The following ARAP2 variants were observed in gnomAD, a reference collection of about 807,000 sequenced individuals.
ARAP2 encodes the protein arf-GAP with Rho-GAP domain, ANK repeat and PH domain-containing protein 2.
A neutral mutation model predicts 194.5 loss-of-function variants in ARAP2; 148 were observed. The observed-to-expected ratio is 0.76, with a 90% CI of 0.67 to 0.87. ARAP2 has a LOEUF of 0.87. ARAP2 is among the 40% of genes least tolerant of loss of function. ARAP2 has a pLI of 0.00. For missense variants in ARAP2, 2,128 were observed against 1,989.7 expected (o/e 1.07, Z -1.32); for synonymous variants, 695 against 683.5 (o/e 1.02, Z -0.26).
At chr4:36,091,196 T>TA (rs1713542226) in intron 28 of ARAP2, among the ~76,000 whole-genome samples, 2 of 152,166 alleles carry the variant, frequency 1.3e-5, no homozygotes, top group South Asian at 4.1e-4. Context: ...GCAGAACTCA[T>TA]ACTATCTTAA....
At chr4:36,235,431 C>T (rs1044144110) in intron 1 of ARAP2, among the ~76,000 whole-genome samples, 1 of 152,214 alleles carries the variant, frequency 6.6e-6, no homozygotes, top group Non-Finnish European at 1.5e-5. Context: ...ATACGTATGT[C>T]TCCACAGCCA....
intron 3 of ARAP2, among the ~76,000 whole-genome samples, chr4:36,048,176 C>G (rs1400997027): frequency 6.6e-6 from 1 of 152,164 alleles, no homozygotes; most frequent in Non-Finnish European, 1.5e-5. Context: ...GATCAATTCA[C>G]TATAAATGCA....
chr4:36,223,373 C>A (rs1035405103), intron 2 of ARAP2, among the ~76,000 whole-genome samples: 1 of 151,972 alleles, frequency 6.6e-6, no homozygotes, highest in Non-Finnish European at 1.5e-5. Flanking sequence ...ATTTTTAAAA[C>A]CCTAAATCAG....
At chr4:36,011,707 T>G (rs1434360944) in intron 9 of ARAP2, among the ~76,000 whole-genome samples, 2 of 152,180 alleles carry the variant, frequency 1.3e-5, no homozygotes, top group Non-Finnish European at 1.5e-5. Context: ...GGCATTTATA[T>G]TATCATTATT....
At chr4:36,037,326 C>T (rs991099501) in intron 5 of ARAP2, among the ~76,000 whole-genome samples, 1 of 152,148 alleles carries the variant, frequency 6.6e-6, no homozygotes, top group Non-Finnish European at 1.5e-5. Flanking sequence ...CATTCCTCAA[C>T]TTTGCCTGCC....
intron 28 of ARAP2, among the ~76,000 whole-genome samples, chr4:36,091,166 G>A (rs1713532055): frequency 6.6e-6 from 1 of 152,006 alleles, no homozygotes; most frequent in Non-Finnish European, 1.5e-5. Flanking sequence ...TATTTTTTAA[G>A]CATTAAAACA....
chr4:36,188,834 T>C (rs1055097858), intron 7 of ARAP2, among the ~76,000 whole-genome samples: 1 of 152,178 alleles, frequency 6.6e-6, no homozygotes, highest in African/African-American at 2.4e-5. Context: ...ATTCCTGCCT[T>C]AGCAATTGGT....
intron 31 of ARAP2, among the ~76,000 whole-genome samples, chr4:36,078,354 G>A (rs7688524): frequency 0.46 from 69,274 of 151,924 alleles, 16,179 homozygotes; most frequent in East Asian, 0.63. Flanking sequence ...TATTTAAGCT[G>A]AAGTCTAGAT....
At chr4:36,043,916 A>G (rs796415759) in intron 5 of ARAP2, among the ~76,000 whole-genome samples, 23 of 132,396 alleles carry the variant, frequency 1.7e-4, no homozygotes, top group African/African-American at 5.1e-4. Context: ...GAGAAAGAAA[A>G]AGAGAAAGAA....
At position 36,228,856 on chromosome 4, in the gene ARAP2, T is replaced by C; in HGVS notation, c.631A>G (p.Asn211Asp). 1 of 1,614,142 alleles carries C rather than the reference T, an allele frequency of 6.2e-7. No individual in the cohort carries two copies. The highest frequency in any genetic ancestry group is 8.5e-7 in the Non-Finnish European group (1 of 1,180,014). ...AAAGAAAGGCATTCAGAGTCTGCAT[T>C]AGGGAGCTTACTGAGATTTTCTGTG... Reference protein sequence around the residue: ...LITENLSKLPNADSECLSFVG... With the variant: ...LITENLSKLPDADSECLSFVG... The change falls in exon 2 of 33, where the codon AAT becomes GAT. Residue 211 changes from asparagine to aspartate, a missense_variant. Physicochemically the swap from Asn to Asp is conservative, Grantham distance 23 (BLOSUM62 1). Transcript: ENST00000303965.
chr4:36,225,987 A>ACT (rs1013030145), intron 2 of ARAP2, among the ~76,000 whole-genome samples: 8 of 152,176 alleles, frequency 5.3e-5, no homozygotes, highest in Admixed American at 5.2e-4. Context: ...TCATGGAATT[A>ACT]CTATTTGCAA....
chr4:36,079,324 G>A (rs1728978551), intron 31 of ARAP2, among the ~76,000 whole-genome samples: 1 of 152,078 alleles, frequency 6.6e-6, no homozygotes. Flanking sequence ...GAAGAGCTGT[G>A]TTTATTAACC....
intron 1 of ARAP2, among the ~76,000 whole-genome samples, chr4:36,060,835 C>T (rs967439173): frequency 6.6e-6 from 1 of 152,096 alleles, no homozygotes; most frequent in Admixed American, 6.6e-5. Flanking sequence ...TCTTAGGACA[C>T]CAGTCAGAAT....
intron 3 of ARAP2, chr4:36,047,111 G>C (rs1469601407): frequency 1.3e-5 from 2 of 152,202 alleles, no homozygotes; most frequent in Non-Finnish European, 2.9e-5. Flanking sequence ...CTTACGTTGT[G>C]CTATGTCTTC....
intron 22 of ARAP2, among the ~76,000 whole-genome samples, chr4:36,122,026 ATAAAG>A (rs1722792613): frequency 6.6e-6 from 1 of 151,688 alleles, no homozygotes; most frequent in Admixed American, 6.6e-5. Flanking sequence ...ACGAATAAGT[ATAAAG>A]TAATTAAAAA....
rs200667693 is a variant in ARAP2 at position 36,159,422 on chromosome 4, G to C, written c.2526C>G (p.Thr842=). The change falls in exon 14 of 33, where the codon ACC becomes ACG. Residue 842 remains threonine (T), a synonymous_variant. Coordinates refer to ENST00000303965, the MANE Select transcript of ARAP2 (RefSeq NM_015230.4). The part of the protein sequence containing the change: ...LFSGADVMCA[T]GDPVHSTPYL... ...AGGGGGTGCTATGCACGGGGTCTCC[G>C]GTGGCACACATGACATCTGCTCCAC... 6.2e-7 allele frequency: 1 copy of C among 1,611,466 alleles called. No individual in the cohort carries two copies. The highest frequency in any genetic ancestry group is 1.3e-5 in the African/African-American group (1 of 74,818).
chr4:36,116,955 T>G, intron 25 of ARAP2, 106 bp downstream of exon 25: 2 of 618,918 alleles, frequency 3.2e-6, no homozygotes, highest in Non-Finnish European at 4.9e-6. Context: ...TCGTTTGAAC[T>G]GGAGAGGTAA....
intron 31 of ARAP2, among the ~76,000 whole-genome samples, chr4:36,075,204 T>C (rs1467787827): frequency 6.6e-6 from 1 of 152,170 alleles, no homozygotes; most frequent in Non-Finnish European, 1.5e-5. Flanking sequence ...CACTGATGTG[T>C]AGTGCATACG....
chr4:36,033,714 T>A lies in ARAP2; in HGVS notation n.607+12265A>T, dbSNP rs570594587. Among the ~76,000 whole-genome samples, 145 of 152,290 alleles carry A rather than the reference T, an allele frequency of 9.5e-4. 2 individuals carry two copies. The Middle Eastern group carries it at 0.014, about 14-fold the overall frequency. ...TGCTTTTGACATCTTTATCATGAAA[T>A]CTTTGCCCATTCCGACATCTAGAAT... On this transcript the variant is annotated intron_variant and non_coding_transcript_variant, in intron 5 of 12. Transcript: ENST00000503225.
Sources: allele counts gnomAD v4.1 joint callset (sites outside exome capture counted in the v4.1 genomes callset), GRCh38; gene constraint gnomAD v4.1.1; transcripts MANE v1.5; gene names NCBI Gene and HGNC (gene_info 2026-07-23, HGNC 2026-07-21).